Variants in PDXDC1 observed in about 807,000 individuals in gnomAD.
PDXDC1 encodes pyridoxal dependent decarboxylase domain containing 1.
In PDXDC1, 42 loss-of-function variants were observed where a neutral mutation model predicts 100.1. The ratio of observed to expected loss-of-function variants is 0.42; its 90% confidence interval spans 0.33 to 0.54. The LOEUF (loss-of-function observed/expected upper bound fraction) is 0.54. PDXDC1 is among the 20% of genes least tolerant of loss of function. PDXDC1 has a pLI of 0.10. For synonymous variants in PDXDC1, 260 were observed against 371.7 expected (o/e 0.70, Z 3.46); for missense variants, 636 against 979.2 (o/e 0.65, Z 4.68).
At chr16:15,020,741 T>C (rs1473355759) in intron 12 of PDXDC1, among the ~76,000 whole-genome samples, 1 of 152,260 alleles carries the variant, frequency 6.6e-6, no homozygotes, top group African/African-American at 2.4e-5. Flanking sequence ...CCCAGCACTT[T>C]GGGAGGCCGA....
chr16:15,100,900 CAATT>C (rs1160171328), intron 16 of PDXDC1, among the ~76,000 whole-genome samples: 1 of 152,138 alleles, frequency 6.6e-6, no homozygotes, highest in African/African-American at 2.4e-5. Flanking sequence ...ACGTGAGGAT[CAATT>C]GAGCCCAGGA....
intron 16 of PDXDC1, among the ~76,000 whole-genome samples, chr16:15,099,498 A>G (rs565218725): frequency 1.3e-5 from 2 of 151,622 alleles, no homozygotes; most frequent in African/African-American, 2.4e-5. Flanking sequence ...TAATTCTTTG[A>G]CCATGTCCGT....
intron 8 of PDXDC1, among the ~76,000 whole-genome samples, chr16:15,013,348 CAAAAAAAAAAGAA>C (rs1333400855): frequency 1.8e-5 from 2 of 111,828 alleles, no homozygotes; most frequent in African/African-American, 7.1e-5. Context: ...GACCCTATCT[CAAAAAAAAAAGAA>C]AAAAAAAAAA....
chr16:15,073,141 A>C, intron 16 of PDXDC1: 1 of 1,550,278 alleles, frequency 6.5e-7, no homozygotes, highest in Non-Finnish European at 8.8e-7. Flanking sequence ...TTCATCTGCC[A>C]TATTTTTTAT....
At chr16:15,007,973 TA>T (rs1382063867) in intron 6 of PDXDC1, among the ~76,000 whole-genome samples, 4 of 152,278 alleles carry the variant, frequency 2.6e-5, no homozygotes, top group Non-Finnish European at 5.9e-5. Context: ...AATTTATACC[TA>T]GAAAATATCT....
chr16:15,063,635 A>T (rs1003734504), intron 16 of PDXDC1, among the ~76,000 whole-genome samples: 6 of 147,544 alleles, frequency 4.1e-5, no homozygotes, highest in Non-Finnish European at 7.4e-5. Flanking sequence ...AACCTGGGAG[A>T]CGGAGCTTGC....
intron 16 of PDXDC1, among the ~76,000 whole-genome samples, chr16:15,077,061 A>G (rs2045490615): frequency 6.7e-6 from 1 of 149,628 alleles, no homozygotes; most frequent in African/African-American, 2.5e-5. Context: ...CTCACCGCAA[A>G]CTCCGCCCCC....
chr16:15,032,952 C>G lies in PDXDC1; in HGVS notation c.1663C>G (p.Leu555Val), dbSNP rs768496697. 6.2e-7 allele frequency: 1 copy of G among 1,605,140 alleles called. No individual in the cohort carries two copies. The highest frequency in any genetic ancestry group is 1.1e-5 in the South Asian group (1 of 90,906). Reference sequence around the variant, plus strand: ...TGGACTCCTGAAGAAGTTAAATGAACTGGAATCTGACCTAACCTTTAAAAT... The same window carrying G: ...TGGACTCCTGAAGAAGTTAAATGAAGTGGAATCTGACCTAACCTTTAAAAT... ...HAGLLKKLNE[L>V]ESDLTFKIGP... The change falls in exon 18 of 23, where the codon CTG (leucine) becomes GTG (valine). Residue 555 changes from leucine to valine, a missense_variant. Around this residue, in one of 4 missense-constraint regions of PDXDC1, gnomAD observed 452 missense variants for 402.9 expected, o/e 1.12. Coordinates refer to ENST00000396410, the MANE Select transcript of PDXDC1 (RefSeq NM_015027.4).
At chr16:15,099,040 G>C (rs1241810199) in intron 16 of PDXDC1, among the ~76,000 whole-genome samples, 2 of 152,194 alleles carry the variant, frequency 1.3e-5, no homozygotes, top group Non-Finnish European at 2.9e-5. Flanking sequence ...TCTTAAGCTT[G>C]AGTGCAGCTC....
intron 16 of PDXDC1, among the ~76,000 whole-genome samples, chr16:15,031,525 C>T (rs1015894296): frequency 6.6e-6 from 1 of 152,144 alleles, no homozygotes; most frequent in South Asian, 2.1e-4. Context: ...GTGAGAGAAA[C>T]ACTCCACACC....
In PDXDC1 at chr16:15,053,903, C is replaced by T. The variant is rs1171474951; in HGVS notation, c.1399+23847C>T. Reference sequence around the variant, plus strand: ...ATCCAGCCTGGGCCACAGAACAAAACTAAGTCTCAAAAAAACCAACCAACC... The same window carrying T: ...ATCCAGCCTGGGCCACAGAACAAAATTAAGTCTCAAAAAAACCAACCAACC... On this transcript the variant is annotated intron_variant, in intron 16 of 16. Coordinates refer to the PDXDC1 transcript ENST00000535621. Among the ~76,000 whole-genome samples, 7 of 152,172 alleles carry T rather than the reference C, an allele frequency of 4.6e-5. No individual in the cohort carries two copies. In the East Asian group the frequency reaches 5.8e-4, roughly 13 times the overall value.
intron 22 of PDXDC1, among the ~76,000 whole-genome samples, chr16:15,035,763 ACATTGT>A (rs1228781160): frequency 2.0e-5 from 3 of 152,134 alleles, no homozygotes; most frequent in Non-Finnish European, 2.9e-5. Context: ...TTGAAAGATG[ACATTGT>A]CACTGTGGTG....
In PDXDC1 at chr16:15,033,265, G is replaced by C; in HGVS notation, c.1691-13G>C. 6.2e-7 allele frequency: 1 copy of C among 1,614,034 alleles called. No homozygotes were observed. The highest frequency in any genetic ancestry group is 8.5e-7 in the Non-Finnish European group (1 of 1,179,924). On this transcript the variant is annotated splice_polypyrimidine_tract_variant and intron_variant, in intron 18 of 22. Transcript: ENST00000396410. ...GGACTGAGAAACTCAAGTTTGTCTC[G>C]TTACCTTTGCAGGCCCTGAGTATAA...
chr16:15,041,732 A>G, downstream of PDXDC1: 1 of 1,320,852 alleles, frequency 7.6e-7, no homozygotes, highest in East Asian at 2.3e-5. Flanking sequence ...TTACCAGAAC[A>G]AACTGCTGAG....
chr16:15,000,380 G>T (rs1404409299), intron 3 of PDXDC1, among the ~76,000 whole-genome samples: 3 of 152,294 alleles, frequency 2.0e-5, no homozygotes, highest in Non-Finnish European at 4.4e-5. Flanking sequence ...CTTGCTCGAG[G>T]TCATGTGGCA....
chr16:15,097,085 G>A (rs899851534), intron 16 of PDXDC1, among the ~76,000 whole-genome samples: 11 of 152,036 alleles, frequency 7.2e-5, no homozygotes, highest in Admixed American at 1.3e-4. Context: ...AACACAGCCA[G>A]ACTCCGTCTC....
At chr16:15,018,352 T>G (rs1330992703) in intron 11 of PDXDC1, among the ~76,000 whole-genome samples, 1 of 152,240 alleles carries the variant, frequency 6.6e-6, no homozygotes, top group Non-Finnish European at 1.5e-5. Flanking sequence ...AAGGCTGCAG[T>G]GAGCTATGAT....
intron 1 of PDXDC1, among the ~76,000 whole-genome samples, chr16:14,977,713 G>A (rs1967019224): frequency 6.6e-6 from 1 of 152,270 alleles, no homozygotes; most frequent in South Asian, 2.1e-4. Flanking sequence ...CTGAAAAATA[G>A]TCTGGGTCAA....
intron 16 of PDXDC1, chr16:15,130,124 G>A (rs1372819434): frequency 3.0e-6 from 4 of 1,331,634 alleles, no homozygotes; most frequent in African/African-American, 2.9e-5. Context: ...TGCAAGCTGT[G>A]CCTTCTCAGG....
Sources: gnomAD v4.1 joint callset for allele counts (sites outside exome capture counted in the v4.1 genomes callset) on GRCh38, gnomAD v4.1.1 for gene constraint, gnomAD v4.1.1 regional missense constraint, MANE v1.5 for transcripts, NCBI Gene and HGNC (gene_info 2026-07-23, HGNC 2026-07-21) for gene names.